Variants in GNS observed in about 807,000 individuals in gnomAD.
GNS encodes N-acetylglucosamine-6-sulfatase.
A neutral mutation model predicts 69.7 loss-of-function variants in GNS; 40 were observed. The observed-to-expected ratio is 0.57, with a 90% confidence interval of 0.45 to 0.75. The LOEUF (loss-of-function observed/expected upper bound fraction) is 0.75, where lower values mean the gene tolerates loss of function less well. Among genes scored for constraint, GNS ranks in the 30% least tolerant of loss-of-function variants. The pLI is 0.00. For missense variants in GNS, 565 were observed against 685.5 expected (o/e 0.82, Z 1.96); for synonymous variants, 243 against 251.6 (o/e 0.97, Z 0.32).
intron 12 of GNS, among the ~76,000 whole-genome samples, chr12:64,720,933 T>A (rs1346808609): frequency 6.6e-6 from 1 of 152,066 alleles, no homozygotes. Flanking sequence ...AGGAACTGAG[T>A]TTGAGGAAAG....
intron 10 of GNS, among the ~76,000 whole-genome samples, chr12:64,728,339 C>A (rs537464484): frequency 6.6e-6 from 1 of 152,342 alleles, no homozygotes; most frequent in Non-Finnish European, 1.5e-5. Flanking sequence ...TTTCACTCAC[C>A]AGACAGGCAA....
chr12:64,740,356 A>G (rs1398012535), intron 7 of GNS, among the ~76,000 whole-genome samples: 1 of 152,194 alleles, frequency 6.6e-6, no homozygotes. Context: ...CACATGGTTC[A>G]AGTTTGCAAG....
chr12:64,740,482 T>C (rs911487363), intron 7 of GNS, 124 bp downstream of exon 7: 1 of 731,198 alleles, frequency 1.4e-6, no homozygotes, highest in Non-Finnish European at 2.5e-6. Flanking sequence ...GAAGCCTCTC[T>C]CCCACTGACT....
intron 13 of GNS, among the ~76,000 whole-genome samples, chr12:64,719,144 A>G (rs113700159): frequency 6.6e-6 from 1 of 152,252 alleles, no homozygotes; most frequent in African/African-American, 2.4e-5. Flanking sequence ...ATTTAAAAGC[A>G]AACAATGAAC....
At chr12:64,726,529 T>C (rs1869205247) in intron 10 of GNS, among the ~76,000 whole-genome samples, 1 of 152,136 alleles carries the variant, frequency 6.6e-6, no homozygotes, top group South Asian at 2.1e-4. Context: ...AAACAATATA[T>C]ACCTTCAATT....
At chr12:64,734,191 T>C (rs969111865) in intron 9 of GNS, among the ~76,000 whole-genome samples, 4 of 152,246 alleles carry the variant, frequency 2.6e-5, no homozygotes, top group African/African-American at 9.6e-5. Context: ...ATTCTGAGAA[T>C]GCACAGACTT....
chr12:64,727,270 T>TA (rs34941904), intron 10 of GNS, among the ~76,000 whole-genome samples: 73,873 of 137,180 alleles, frequency 0.54, 20,536 homozygotes, highest in East Asian at 0.87. Context: ...TTTCTACTAT[T>TA]AAAAAAAAAA....
chr12:64,737,017 T>C lies in GNS; in HGVS notation c.1085A>G (p.Asn362Ser), dbSNP rs1869575584. 1 of 1,557,928 alleles carries C rather than the reference T, an allele frequency of 6.4e-7. No individual in the cohort carries two copies. Among genetic ancestry groups the C allele is most frequent in the Non-Finnish European group, 8.9e-7 (1 of 1,128,614 alleles). Reference sequence around the variant, plus strand: ...TCAGGCACCTACCTTGCTTGTCTGATTTGGTTTGATCCCAGGTCCTCGAAC... The same window carrying C: ...TCAGGCACCTACCTTGCTTGTCTGACTTGGTTTGATCCCAGGTCCTCGAAC... ...LLVRGPGIKPNQTSKMLVANI... is the reference protein window; with the variant it reads ...LLVRGPGIKPSQTSKMLVANI... Residue 362 changes from asparagine to serine, a missense_variant, in exon 9 of 14, where the codon AAT becomes AGT. Asn to Ser is a conservative substitution (Grantham distance 46). Around this residue, in one of 2 missense-constraint regions of GNS, gnomAD observed 384 missense variants for 511.0 expected, o/e 0.75. Transcript: ENST00000258145.
chr12:64,717,926 C>T (rs1868917663), intron 13 of GNS, among the ~76,000 whole-genome samples: 1 of 152,170 alleles, frequency 6.6e-6, no homozygotes, highest in Admixed American at 6.5e-5. Flanking sequence ...GGGACTACTG[C>T]ATTTTAGAAC....
rs755603707 is a variant in GNS, at chr12:64,752,713, C to T, written c.237G>A (p.Met79Ile). 1 of 1,526,242 alleles carries T rather than the reference C, an allele frequency of 6.6e-7. No homozygotes were observed. Among genetic ancestry groups the T allele is most frequent in the Admixed American group, 1.7e-5 (1 of 59,730 alleles). 94.5% of individuals were successfully genotyped at this position (1,526,242 alleles called of 1,614,324 possible). A position where few individuals can be genotyped will look rare whatever the true frequency, so the allele number is the denominator to read the frequency against. Residue 79 changes from methionine to isoleucine, a missense_variant, in exon 2 of 14, where the codon ATG becomes ATA. Around this residue, in one of 2 missense-constraint regions of GNS, gnomAD observed 181 missense variants for 174.4 expected, o/e 1.04. Coordinates refer to ENST00000258145, the MANE Select transcript of GNS (RefSeq NM_002076.4). ...TCAAACTTACAGCACTGGAAAAAGT[C>T]ATCCCCATCTCTCCGATGAGAGCTT... is the stretch of plus-strand genomic sequence containing the variant. Reference protein sequence around the residue: ...KTKALIGEMGMTFSSAYVPSA... With the variant: ...KTKALIGEMGITFSSAYVPSA...
intron 1 of GNS, chr12:64,752,970 G>A (rs1213255057): frequency 1.7e-6 from 1 of 584,754 alleles, no homozygotes; most frequent in Non-Finnish European, 3.0e-6. Flanking sequence ...CAAAATGCTT[G>A]CAGGAAGGGA....
chr12:64,732,152 A>ACTTTT (rs1869413196), intron 9 of GNS, among the ~76,000 whole-genome samples: 1 of 66,654 alleles, frequency 1.5e-5, no homozygotes, highest in African/African-American at 7.0e-5. Flanking sequence ...ACACCTGGCT[A>ACTTTT]ATTTTTTTTT....
intron 10 of GNS, among the ~76,000 whole-genome samples, chr12:64,727,649 A>G (rs1165292940): frequency 1.3e-5 from 2 of 152,216 alleles, no homozygotes; most frequent in African/African-American, 4.8e-5. Flanking sequence ...GGGGCCACAT[A>G]TTATGTAATT....
chr12:64,756,819 C>A lies in GNS; in HGVS notation c.192+2266G>T, dbSNP rs1870265740. ...AACATTAAGTTTGACTTATGCCCTC[C>A]ACTCAATTTTGGTACCTCTCTCCAG... is the stretch of plus-strand genomic sequence containing the variant. On this transcript the variant is annotated intron_variant, in intron 1 of 13. Coordinates refer to ENST00000258145, the MANE Select transcript of GNS (RefSeq NM_002076.4). 4 of 902,314 alleles carry A rather than the reference C, an allele frequency of 4.4e-6. No individual in the cohort carries two copies. In the South Asian group the frequency reaches 5.8e-5, roughly 13 times the overall value. The allele number at this position is 902,314 out of a possible 1,614,324, so 55.9% of individuals were successfully genotyped here.
At chr12:64,720,271 GGGA>G (rs1868983856) in intron 12 of GNS, 89 bp from the exon 13 acceptor site, 1 of 883,244 alleles carries the variant, frequency 1.1e-6, no homozygotes, top group South Asian at 1.4e-5. Context: ...TAAAGGGGAA[GGGA>G]GGAGGTAGAT....
At position 64,714,475 on chromosome 12, in the gene GNS, T is replaced by G. The variant is rs897879142; in HGVS notation, c.*2266A>C. 1 of 152,216 alleles carries G rather than the reference T, an allele frequency of 6.6e-6. No individual in the cohort carries two copies. Among genetic ancestry groups the G allele is most frequent in the African/African-American group, 2.4e-5 (1 of 41,458 alleles). The allele number at this position is 152,216 out of a possible 1,614,324, so 9.4% of individuals were successfully genotyped here. A position where few individuals can be genotyped will look rare whatever the true frequency, so the allele number is the denominator to read the frequency against. On this transcript the variant is annotated 3_prime_UTR_variant, in exon 14 of 14. Transcript: ENST00000258145. ...TGAGGTCTCTTTATGAAAGATTATTTTAGCACAAATTCAGAATGAAGCCAG... is the reference window on the plus strand; with the variant it reads ...TGAGGTCTCTTTATGAAAGATTATTGTAGCACAAATTCAGAATGAAGCCAG...
rs1302862683 is a variant in GNS, at chr12:64,747,635, G to A, written c.459+77C>T. 14 of 874,434 alleles carry A rather than the reference G, an allele frequency of 1.6e-5. No individual in the cohort carries two copies. The East Asian group carries it at 3.7e-4, about 23-fold the overall frequency. 54.2% of individuals were successfully genotyped at this position (874,434 alleles called of 1,614,324 possible). A position where few individuals can be genotyped will look rare whatever the true frequency, so the allele number is the denominator to read the frequency against. On this transcript the variant is annotated intron_variant, in intron 3 of 13. Coordinates refer to ENST00000258145, the MANE Select transcript of GNS (RefSeq NM_002076.4). The stretch of plus-strand genomic sequence containing the variant: ...ACCAAGAAATCCTTTAACATTAATT[G>A]AAATAATAAAATTAACATGAATTAT...
At chr12:64,726,655 T>C (rs535125982) in intron 10 of GNS, among the ~76,000 whole-genome samples, 1 of 152,268 alleles carries the variant, frequency 6.6e-6, no homozygotes, top group Admixed American at 6.5e-5. Flanking sequence ...CCATCATGCC[T>C]GGCTAATTTT....
intron 9 of GNS, among the ~76,000 whole-genome samples, chr12:64,736,051 C>T (rs990551409): frequency 7.9e-5 from 12 of 152,212 alleles, no homozygotes; most frequent in Non-Finnish European, 2.9e-5. Flanking sequence ...GCAATTTTAG[C>T]TTAAAGTGTG....
Sources: gnomAD v4.1 joint callset for allele counts (sites outside exome capture counted in the v4.1 genomes callset) on GRCh38, gnomAD v4.1.1 for gene constraint, gnomAD v4.1.1 regional missense constraint, MANE v1.5 for transcripts, NCBI Gene and HGNC (gene_info 2026-07-23, HGNC 2026-07-21) for gene names.